Variants in ARL15 observed in about 807,000 individuals in gnomAD.
ARL15 encodes ADP-ribosylation factor-like protein 15.
A neutral mutation model predicts 25.2 loss-of-function variants in ARL15; 19 were observed. The ratio of observed to expected loss-of-function variants is 0.75; its 90% confidence interval spans 0.53 to 1.10. The LOEUF is 1.10. Among genes scored for constraint, ARL15 ranks in the 50% least tolerant of loss-of-function variants. ARL15 has a pLI of 0.00. For missense variants in ARL15, 220 were observed against 246.0 expected, an observed-to-expected ratio of 0.89 and a Z score of 0.71; for synonymous variants, 94 against 86.8, an observed-to-expected ratio of 1.08 and a Z score of -0.46.
At chr5:54,282,033 C>G (rs568529181) in intron 1 of ARL15, among the ~76,000 whole-genome samples, 34 of 152,328 alleles carry the variant, frequency 2.2e-4, no homozygotes, top group Admixed American at 1.6e-3. Context: ...AGGAACCTTT[C>G]CTACACAGGT....
intron 4 of ARL15, among the ~76,000 whole-genome samples, chr5:54,046,566 A>G (rs182402842): frequency 6.6e-6 from 1 of 152,306 alleles, no homozygotes; most frequent in East Asian, 1.9e-4. Flanking sequence ...TGCAAAATAC[A>G]AACCAGTTTG....
chr5:53,946,630 T>C (rs1296517481), intron 4 of ARL15, among the ~76,000 whole-genome samples: 1 of 152,086 alleles, frequency 6.6e-6, no homozygotes, highest in Non-Finnish European at 1.5e-5. Context: ...TGCCCATGAA[T>C]AGAAGATTCC....
intron 4 of ARL15, among the ~76,000 whole-genome samples, chr5:53,982,704 A>G (rs1388696323): frequency 6.6e-6 from 1 of 152,146 alleles, no homozygotes; most frequent in Non-Finnish European, 1.5e-5. Flanking sequence ...TATATCCAGT[A>G]ATGGGATTGC....
chr5:54,199,741 C>A (rs974908064), intron 1 of ARL15, among the ~76,000 whole-genome samples: 4 of 148,364 alleles, frequency 2.7e-5, no homozygotes, highest in African/African-American at 1.0e-4. Flanking sequence ...TGTGGCGATT[C>A]CTCAGGGATC....
At chr5:54,075,336 T>C (rs1250858096) in intron 4 of ARL15, among the ~76,000 whole-genome samples, 2 of 152,178 alleles carry the variant, frequency 1.3e-5, no homozygotes, top group Non-Finnish European at 2.9e-5. Context: ...CTTCTTCATA[T>C]TGAATTACAG....
chr5:54,102,413 T>C (rs759841902), intron 4 of ARL15, among the ~76,000 whole-genome samples: 2 of 152,174 alleles, frequency 1.3e-5, no homozygotes, highest in Non-Finnish European at 2.9e-5. Context: ...ATTTGTGCCA[T>C]GTTTTGGAAA....
intron 4 of ARL15, among the ~76,000 whole-genome samples, chr5:54,073,140 T>C (rs1012356993): frequency 2.6e-5 from 4 of 152,256 alleles, no homozygotes; most frequent in Admixed American, 6.5e-5. Flanking sequence ...GAACAGTTGA[T>C]TATAGAACGA....
intron 4 of ARL15, among the ~76,000 whole-genome samples, chr5:54,042,345 C>G (rs920194592): frequency 1.8e-4 from 28 of 152,160 alleles, no homozygotes; most frequent in African/African-American, 6.3e-4. Flanking sequence ...TAGTATGCTT[C>G]ATATCATGAA....
At chr5:54,184,263 A>ATC (rs1755159901) in intron 1 of ARL15, among the ~76,000 whole-genome samples, 39 of 6,786 alleles carry the variant, frequency 5.7e-3, no homozygotes, top group South Asian at 0.02. Context: ...AAAAAAATCA[A>ATC]AAAAAAAAAA....
At chr5:53,889,646 T>A (rs1744650093) in intron 4 of ARL15, among the ~76,000 whole-genome samples, 1 of 152,256 alleles carries the variant, frequency 6.6e-6, no homozygotes, top group Non-Finnish European at 1.5e-5. Flanking sequence ...ATTTATGGTA[T>A]CAATTTTTAA....
At chr5:54,227,730 GAA>G (rs1455537258) in intron 1 of ARL15, among the ~76,000 whole-genome samples, 2 of 152,210 alleles carry the variant, frequency 1.3e-5, no homozygotes, top group Admixed American at 6.5e-5. Context: ...ACAACTGAAA[GAA>G]AAGATAACTT....
chr5:54,221,865 ACACAC>A (rs767003585), intron 1 of ARL15, among the ~76,000 whole-genome samples: 1 of 147,330 alleles, frequency 6.8e-6, no homozygotes, highest in Admixed American at 6.7e-5. Context: ...ACACACACAC[ACACAC>A]AAAACCCTCA....
chr5:54,023,308 T>A (rs1477801319), intron 4 of ARL15, among the ~76,000 whole-genome samples: 1 of 59,994 alleles, frequency 1.7e-5, no homozygotes, highest in Non-Finnish European at 3.8e-5. Context: ...CATTTAAAAA[T>A]ATTACAGATA....
intron 4 of ARL15, among the ~76,000 whole-genome samples, chr5:54,021,345 A>C (rs1286333589): frequency 6.6e-6 from 1 of 152,236 alleles, no homozygotes; most frequent in Admixed American, 6.5e-5. Flanking sequence ...CAAAAAACAT[A>C]AACAAAAACA....
chr5:54,276,903 G>A (rs1156641913), intron 1 of ARL15, among the ~76,000 whole-genome samples: 2 of 152,184 alleles, frequency 1.3e-5, no homozygotes, highest in Admixed American at 6.5e-5. Context: ...TACCCAGAAC[G>A]TCCAGAAAGA....
intron 3 of ARL15, among the ~76,000 whole-genome samples, chr5:54,123,400 C>A (rs1753150834): frequency 6.6e-6 from 1 of 152,184 alleles, no homozygotes. Flanking sequence ...TGAGCCAACG[C>A]ACCCGGCTCC....
chr5:54,028,210 T>G (rs546459708), intron 4 of ARL15, among the ~76,000 whole-genome samples: 1 of 152,248 alleles, frequency 6.6e-6, no homozygotes, highest in South Asian at 2.1e-4. Flanking sequence ...CATGAGCCAC[T>G]GCACCCGGTG....
Position 54,294,206 on chromosome 5 carries a change from G to A in ARL15, c.48+16226C>T, listed in dbSNP as rs544468714. 7.9e-5 allele frequency among the ~76,000 whole-genome samples: 12 copies of A among 152,264 alleles called. No individual in the cohort carries two copies. In the South Asian group the frequency reaches 1.7e-3, roughly 21 times the overall value. ...GTAAATCCTATTCTACTAACCCAGCGGCTGGCAAATTCCAATCTGTGGGAA... is the reference window on the plus strand; with the variant it reads ...GTAAATCCTATTCTACTAACCCAGCAGCTGGCAAATTCCAATCTGTGGGAA... On this transcript the variant is annotated intron_variant, in intron 1 of 4. Transcript: ENST00000504924.
intron 4 of ARL15, among the ~76,000 whole-genome samples, chr5:53,973,551 G>T (rs554456727): frequency 7.0e-6 from 1 of 143,400 alleles, no homozygotes; most frequent in African/African-American, 2.6e-5. Context: ...TCCAGCCTGG[G>T]CAACAAGAGT....
Sources: allele counts gnomAD v4.1 joint callset (sites outside exome capture counted in the v4.1 genomes callset), GRCh38; gene constraint gnomAD v4.1.1; transcripts MANE v1.5; gene names NCBI Gene and HGNC (gene_info 2026-07-23, HGNC 2026-07-21).